The following ASTN2 variants were observed in gnomAD, a reference collection of about 807,000 sequenced individuals.
ASTN2 encodes the protein astrotactin 2, also known as astrotactin-2.
In ASTN2, 54 loss-of-function variants were observed where a neutral mutation model predicts 139.8. The ratio of observed to expected loss-of-function variants is 0.39; its 90% confidence interval spans 0.31 to 0.48. ASTN2 has a LOEUF of 0.48. ASTN2 is among the 20% of genes least tolerant of loss of function. ASTN2 has a pLI of 0.95. For missense variants in ASTN2, 1,565 were observed against 1,725.1 expected (o/e 0.91, Z 1.64); for synonymous variants, 756 against 719.5 (o/e 1.05, Z -0.81).
chr9:117,311,546 T>C (rs1827977307), intron 1 of ASTN2, among the ~76,000 whole-genome samples: 8 of 152,138 alleles, frequency 5.3e-5, no homozygotes, highest in Admixed American at 5.2e-4. Flanking sequence ...TATCGAACCC[T>C]TTGTTTTACA....
At chr9:117,343,665 C>T (rs1356490729) in intron 1 of ASTN2, among the ~76,000 whole-genome samples, 1 of 152,116 alleles carries the variant, frequency 6.6e-6, no homozygotes, top group African/African-American at 2.4e-5. Flanking sequence ...CTAGATGACT[C>T]AGCTAGCAAG....
chr9:116,580,728 AT>A (rs1009080803), intron 19 of ASTN2, among the ~76,000 whole-genome samples: 1 of 151,566 alleles, frequency 6.6e-6, no homozygotes. Context: ...AACCAAAGGG[AT>A]TTTTTTTTCT....
At chr9:116,807,111 G>C (rs1229830198) in intron 12 of ASTN2, among the ~76,000 whole-genome samples, 1 of 152,168 alleles carries the variant, frequency 6.6e-6, no homozygotes, top group Admixed American at 6.5e-5. Flanking sequence ...ACCCTGGTTG[G>C]TATGTCAGTT....
chr9:116,693,867 C>T (rs1277392058), intron 16 of ASTN2, among the ~76,000 whole-genome samples: 1 of 152,150 alleles, frequency 6.6e-6, no homozygotes, highest in African/African-American at 2.4e-5. Context: ...ACAGTAATGA[C>T]CAGATGTGCC....
At chr9:116,548,975 T>C (rs1357964341) in intron 19 of ASTN2, among the ~76,000 whole-genome samples, 1 of 152,026 alleles carries the variant, frequency 6.6e-6, no homozygotes, top group Non-Finnish European at 1.5e-5. Context: ...ATCAAAGAGA[T>C]AAAGGAGTAA....
intron 10 of ASTN2, among the ~76,000 whole-genome samples, chr9:116,943,253 C>G (rs1260199661): frequency 6.6e-6 from 1 of 152,120 alleles, no homozygotes; most frequent in Non-Finnish European, 1.5e-5. Context: ...GAAACCAGCA[C>G]TCCTGGCACA....
At chr9:116,908,599 T>C (rs543654347) in intron 10 of ASTN2, among the ~76,000 whole-genome samples, 2 of 152,316 alleles carry the variant, frequency 1.3e-5, no homozygotes, top group African/African-American at 4.8e-5. Context: ...AGAACCTTGT[T>C]CTGTGTGGCT....
intron 19 of ASTN2, among the ~76,000 whole-genome samples, chr9:116,560,945 C>A (rs1309539957): frequency 6.6e-6 from 1 of 152,078 alleles, no homozygotes; most frequent in Non-Finnish European, 1.5e-5. Context: ...AAAGTTTCCA[C>A]AAGAACAAAG....
intron 10 of ASTN2, among the ~76,000 whole-genome samples, chr9:116,958,691 A>T (rs1446315339): frequency 3.3e-5 from 5 of 152,138 alleles, no homozygotes; most frequent in Non-Finnish European, 2.9e-5. Flanking sequence ...TAGTCACTGG[A>T]AATTGGTGGG....
intron 5 of ASTN2, among the ~76,000 whole-genome samples, chr9:117,091,572 T>TTG (rs1554777503): frequency 1.3e-5 from 2 of 151,622 alleles, no homozygotes; most frequent in Non-Finnish European, 2.9e-5. Context: ...TCTCACGTGA[T>TTG]GGGGGGGCAG....
chr9:117,186,780 A>T (rs1310254387), intron 3 of ASTN2, among the ~76,000 whole-genome samples: 8 of 152,234 alleles, frequency 5.3e-5, no homozygotes, highest in Non-Finnish European at 1.2e-4. Flanking sequence ...GGGACAAAAC[A>T]GACACAATTC....
chr9:116,562,568 C>T (rs1169357240), intron 19 of ASTN2, among the ~76,000 whole-genome samples: 1 of 151,478 alleles, frequency 6.6e-6, no homozygotes, highest in Non-Finnish European at 1.5e-5. Context: ...GAAACCCCAT[C>T]TCTACTAAGA....
intron 16 of ASTN2, among the ~76,000 whole-genome samples, chr9:116,701,883 T>TG (rs1200521683): frequency 2.0e-5 from 3 of 151,048 alleles, no homozygotes; most frequent in Non-Finnish European, 4.4e-5. Context: ...TTTTTGGGTT[T>TG]TTTTTTTTTT....
At chr9:116,949,940 T>C (rs964239749) in intron 10 of ASTN2, among the ~76,000 whole-genome samples, 2 of 152,204 alleles carry the variant, frequency 1.3e-5, no homozygotes, top group Non-Finnish European at 2.9e-5. Flanking sequence ...CTGTCTAGCA[T>C]ATGGAAAATG....
intron 17 of ASTN2, among the ~76,000 whole-genome samples, chr9:116,644,918 CATACAG>C (rs1221604208): frequency 6.6e-6 from 1 of 152,130 alleles, no homozygotes; most frequent in Non-Finnish European, 1.5e-5. Flanking sequence ...CTTTTCTCAT[CATACAG>C]ATAAAGAAAT....
chr9:117,311,716 C>T (rs1049779943), intron 1 of ASTN2, among the ~76,000 whole-genome samples: 10 of 152,140 alleles, frequency 6.6e-5, no homozygotes, highest in African/African-American at 1.9e-4. Context: ...CACAGAGATA[C>T]ACACTAGAAA....
chr9:116,607,009 GGT>G (rs1855242341), intron 19 of ASTN2, among the ~76,000 whole-genome samples: 1 of 152,124 alleles, frequency 6.6e-6, no homozygotes, highest in South Asian at 2.1e-4. Context: ...TTTTCCAGAG[GGT>G]TTAGACATGA....
At position 116,498,458 on chromosome 9, in the gene ASTN2, T is replaced by C. The variant is rs137875532; in HGVS notation, c.3356-10958A>G. Among the ~76,000 whole-genome samples, 293 of 151,422 alleles carry C rather than the reference T, an allele frequency of 1.9e-3. 1 individual carries two copies. The highest frequency in any genetic ancestry group is 6.8e-3 in the African/African-American group (282 of 41,234). On this transcript the variant is annotated intron_variant, in intron 19 of 22. Transcript: ENST00000313400. The stretch of plus-strand genomic sequence containing the variant: ...AAACAAAAAACAAAAAACAGCCAGG[T>C]GTGGTGGCATGTGTCTGTAGCCCTA...
intron 18 of ASTN2, among the ~76,000 whole-genome samples, chr9:116,619,138 C>T (rs1350803357): frequency 6.6e-6 from 1 of 152,032 alleles, no homozygotes; most frequent in African/African-American, 2.4e-5. Flanking sequence ...TCCCTTTTTC[C>T]ACGATACCAC....
Sources: allele counts gnomAD v4.1 joint callset (sites outside exome capture counted in the v4.1 genomes callset), GRCh38; gene constraint gnomAD v4.1.1; transcripts MANE v1.5; gene names NCBI Gene and HGNC (gene_info 2026-07-23, HGNC 2026-07-21).